Variants in ATRX observed in about 807,000 individuals in gnomAD.
ATRX encodes chromatin remodeler ATRX.
ATRX carries 12 observed loss-of-function variants against 172.6 expected under a neutral mutation model. The observed-to-expected ratio is 0.07, with a 90% CI of 0.04 to 0.11. ATRX has a LOEUF of 0.11. Among genes scored for constraint, ATRX ranks in the 10% least tolerant of loss-of-function variants. The pLI is 1.00. For missense variants in ATRX, 1,368 were observed against 1,767.4 expected (o/e 0.77, Z 4.05); for synonymous variants, 674 against 594.7 (o/e 1.13, Z -1.94).
At chrX:77,750,566 A>C (rs1385003228) in intron 1 of ATRX, among the ~76,000 whole-genome samples, 1 of 109,870 alleles carries the variant, frequency 9.1e-6, no homozygotes, top group Non-Finnish European at 1.9e-5. Context: ...CAGAACATGC[A>C]GGTTTGTTAC....
chrX:77,727,474 T>G (rs937135226), intron 1 of ATRX, among the ~76,000 whole-genome samples: 4 of 111,539 alleles, frequency 3.6e-5, no homozygotes, highest in Non-Finnish European at 7.5e-5. Context: ...ATGTGGCACC[T>G]ATACACCACG....
intron 28 of ATRX, among the ~76,000 whole-genome samples, chrX:77,564,278 G>C (rs1400633625): frequency 3.6e-5 from 4 of 111,703 alleles, no homozygotes; most frequent in African/African-American, 1.3e-4. Context: ...ATATATACAA[G>C]GAACAGAAGG....
chrX:77,766,880 T>TA (rs2075973496), intron 1 of ATRX, among the ~76,000 whole-genome samples: 1 of 105,827 alleles, frequency 9.4e-6, no homozygotes, highest in African/African-American at 3.4e-5. Flanking sequence ...GGCTGGGAGG[T>TA]GAGGTTGTAG....
At chrX:77,644,429 A>G (rs1557112650) in intron 15 of ATRX, among the ~76,000 whole-genome samples, 1 of 112,494 alleles carries the variant, frequency 8.9e-6, no homozygotes, top group African/African-American at 3.2e-5. Context: ...AGAACCTCAT[A>G]TGCAGAGTTG....
chrX:77,667,295 A>ATGTGTGTGTGTGTG (rs782297684), intron 10 of ATRX, among the ~76,000 whole-genome samples: 104 of 89,058 alleles, frequency 1.2e-3, no homozygotes, highest in South Asian at 5.6e-3. Flanking sequence ...ACGAATAAAT[A>ATGTGTGTGTGTGTG]TGTGTGTGTG....
intron 28 of ATRX, among the ~76,000 whole-genome samples, chrX:77,563,112 T>C (rs1045758354): frequency 8.0e-5 from 9 of 112,768 alleles, no homozygotes; most frequent in African/African-American, 2.6e-4. Flanking sequence ...AGTCCAATTA[T>C]TGATTTTTTA....
intron 10 of ATRX, among the ~76,000 whole-genome samples, chrX:77,669,679 C>T (rs1276997615): frequency 8.1e-5 from 9 of 111,236 alleles, no homozygotes; most frequent in Non-Finnish European, 1.5e-4. Context: ...TTTAGAAATG[C>T]AAGAACTCAA....
intron 30 of ATRX, among the ~76,000 whole-genome samples, chrX:77,542,114 A>C (rs1217989301): frequency 8.9e-6 from 1 of 112,390 alleles, no homozygotes; most frequent in Non-Finnish European, 1.9e-5. Context: ...CAACTTCAGC[A>C]AAGTCCCAGA....
At chrX:77,643,262 A>AAC (rs370939089) in intron 15 of ATRX, among the ~76,000 whole-genome samples, 2,530 of 108,067 alleles carry the variant, frequency 0.023, 37 homozygotes, top group Admixed American at 0.052. Context: ...ACAGCTTTAA[A>AAC]ACACACACAC....
At position 77,684,852 on chromosome X, in the gene ATRX, T is replaced by C; in HGVS notation, c.662+87A>G. ...TCATTAAAGACATCAATGACGATAC[T>C]ATGAAAGACAAACCTCATAAATGAT... On this transcript the variant is annotated intron_variant, in intron 8 of 34. Coordinates refer to ENST00000373344, the MANE Select transcript of ATRX (RefSeq NM_000489.6). 3 of 888,264 alleles carry C rather than the reference T, an allele frequency of 3.4e-6. No homozygotes were observed. In the Admixed American group the frequency reaches 6.7e-5, roughly 20 times the overall value. The allele number at this position is 888,264 out of a possible 1,213,427, so 73.2% of individuals were successfully genotyped here.
chrX:77,613,398 G>T (rs1557095182), intron 22 of ATRX, among the ~76,000 whole-genome samples: 1 of 111,295 alleles, frequency 9.0e-6, no homozygotes, highest in Non-Finnish European at 1.9e-5. Flanking sequence ...CTTCTTTAGA[G>T]AAATGTCTAT....
chrX:77,544,762 G>A, intron 30 of ATRX, among the ~76,000 whole-genome samples: 1 of 110,349 alleles, frequency 9.1e-6, no homozygotes, highest in Non-Finnish European at 1.9e-5. Context: ...ATTTTTTATG[G>A]CTGCATAGTA....
At position 77,599,712 on chromosome X, in the gene ATRX, C is replaced by A. The variant is rs782150691; in HGVS notation, c.5786+20G>T. ...TTAACTTTGTCAATACAGGATGGCA[C>A]GAAAAAGTATTCGATTTACTTTGTA... On this transcript the variant is annotated intron_variant, in intron 24 of 34. Coordinates refer to ENST00000373344, the MANE Select transcript of ATRX (RefSeq NM_000489.6). The A allele has an allele frequency of 1.7e-6, 2 of 1,198,628 alleles. No individual in the cohort carries two copies. The highest frequency in any genetic ancestry group is 2.2e-5 in the Admixed American group (1 of 45,405).
At chrX:77,537,875 G>A (rs2063809084) in intron 30 of ATRX, among the ~76,000 whole-genome samples, 1 of 111,182 alleles carries the variant, frequency 9.0e-6, no homozygotes, top group African/African-American at 3.3e-5. Flanking sequence ...AAACTTAGCA[G>A]ATACACAATA....
intron 1 of ATRX, 74 bp from the exon 2 acceptor site, chrX:77,717,317 A>G: frequency 3.6e-6 from 3 of 837,657 alleles, no homozygotes; most frequent in Non-Finnish European, 5.3e-6. Context: ...GCTCTAGCAA[A>G]CTGAAAATAT....
chrX:77,513,909 T>A (rs781961486), intron 34 of ATRX, among the ~76,000 whole-genome samples: 2 of 111,081 alleles, frequency 1.8e-5, no homozygotes, highest in East Asian at 5.7e-4. Context: ...TTCAGCAATA[T>A]CTCAGGGTAC....
chrX:77,547,398 A>G (rs1490867107), intron 30 of ATRX, among the ~76,000 whole-genome samples: 1 of 111,707 alleles, frequency 9.0e-6, no homozygotes, highest in Non-Finnish European at 1.9e-5. Flanking sequence ...CATTGGCTCC[A>G]TGGTTTCTGT....
chrX:77,581,960 A>T (rs782302492), intron 27 of ATRX, among the ~76,000 whole-genome samples: 1 of 112,405 alleles, frequency 8.9e-6, no homozygotes, highest in East Asian at 2.8e-4. Flanking sequence ...AAGGAAATCA[A>T]AAATTTTCTT....
chrX:77,684,116 A>G lies in ATRX; in HGVS notation c.1140T>C (p.Asn380=), dbSNP rs1557142256. ...ATTTTGTAGCAGAACTGATTTCTGAATTATCTGTTGCCTGCTTTAAAAATT... is the reference window on the plus strand; with the variant it reads ...ATTTTGTAGCAGAACTGATTTCTGAGTTATCTGTTGCCTGCTTTAAAAATT... ...YVKFLKQATD[N]SEISSATKLR... Residue 380 remains asparagine (N), a synonymous_variant, in exon 9 of 35, where the codon AAT becomes AAC. Transcript: ENST00000373344. The G allele has an allele frequency of 8.3e-7, 1 of 1,208,064 alleles. No homozygotes were observed. The highest frequency in any genetic ancestry group is 1.1e-6 in the Non-Finnish European group (1 of 892,937).
Sources: allele counts gnomAD v4.1 joint callset (sites outside exome capture counted in the v4.1 genomes callset), GRCh38; gene constraint gnomAD v4.1.1; transcripts MANE v1.5; gene names NCBI Gene and HGNC (gene_info 2026-07-23, HGNC 2026-07-21).